The following FRMPD2 variants were observed in gnomAD, a reference collection of about 807,000 sequenced individuals.
FRMPD2 encodes FERM and PDZ domain containing 2.
Under a neutral mutation model 140.1 loss-of-function variants are expected in FRMPD2, and 96 were observed. The ratio of observed to expected loss-of-function variants is 0.69; its 90% confidence interval spans 0.58 to 0.81. The LOEUF is 0.81. Ranked by LOEUF, FRMPD2 falls within the 40% of genes least tolerant of loss-of-function variation. FRMPD2 has a pLI of 0.00. For synonymous variants in FRMPD2, 449 were observed against 547.6 expected (o/e 0.82, Z 2.52); for missense variants, 1,240 against 1,447.4 (o/e 0.86, Z 2.32).
At chr10:48,251,839 G>C (rs1285497167) in intron 1 of FRMPD2, 148 bp from the exon 2 acceptor site, 27 of 811,088 alleles carry the variant, frequency 3.3e-5, no homozygotes, top group Non-Finnish European at 5.0e-5. Flanking sequence ...CCTGGGGTCA[G>C]GCACAGAGCC....
intron 12 of FRMPD2, among the ~76,000 whole-genome samples, chr10:48,220,476 A>G (rs1460405893): frequency 5.3e-5 from 8 of 152,192 alleles, no homozygotes; most frequent in African/African-American, 1.7e-4. Flanking sequence ...ACCTGAAAAC[A>G]TAAAAATTTG....
intron 1 of FRMPD2, among the ~76,000 whole-genome samples, chr10:48,270,125 A>G (rs1007384798): frequency 5.9e-5 from 9 of 152,250 alleles, no homozygotes; most frequent in Non-Finnish European, 2.9e-5. Context: ...AAGAAAAGTC[A>G]TAAAAGAAAC....
chr10:48,214,457 T>G (rs1839399244), intron 12 of FRMPD2, among the ~76,000 whole-genome samples: 1 of 152,216 alleles, frequency 6.6e-6, no homozygotes, highest in South Asian at 2.1e-4. Context: ...GTAGGTTCAT[T>G]GATTGTAACA....
rs751824469 is a variant in FRMPD2, at chr10:48,206,767, G to T, written c.1778C>A (p.Thr593Asn). Residue 593 changes from threonine to asparagine, a missense_variant, in exon 14 of 29, where the codon ACC (threonine) becomes AAC (asparagine). By Grantham distance (65) the Thr-to-Asn change is moderately conservative. Around this residue, in one of 6 missense-constraint regions of FRMPD2, gnomAD observed 1,161 missense variants for 1,055.9 expected, o/e 1.10. Transcript: ENST00000374201. ...ACTCACATAAGTAGAAATCTTCCCG[G>T]TTTCTCTCCACTGAAACCGTAACAT... is the stretch of plus-strand genomic sequence containing the variant. Reference protein sequence around the residue: ...IAMLRFQWRETGKISTYQKKF... With the variant: ...IAMLRFQWRENGKISTYQKKF... The T allele has an allele frequency of 8.4e-5, 136 of 1,613,694 alleles. 1 individual carries two copies. Among genetic ancestry groups the T allele is most frequent in the Middle Eastern group, 4.9e-4 (3 of 6,084 alleles).
chr10:48,159,232 A>C (rs1387956082), intron 28 of FRMPD2: 4 of 455,778 alleles, frequency 8.8e-6, no homozygotes, highest in Non-Finnish European at 1.8e-5. Flanking sequence ...TTGGATTTAC[A>C]GTATCTCTAA....
chr10:48,200,665 A>G (rs1839064773), intron 15 of FRMPD2, among the ~76,000 whole-genome samples: 1 of 152,232 alleles, frequency 6.6e-6, no homozygotes, highest in Non-Finnish European at 1.5e-5. Flanking sequence ...AGAAAGTGTC[A>G]TTGGACGGTG....
rs1840378702 is a variant in FRMPD2, at chr10:48,251,422, A to G, written c.151+144T>C. The G allele has an allele frequency of 7.2e-6, 7 of 968,006 alleles. No individual in the cohort carries two copies. In the South Asian group the frequency reaches 9.5e-5, roughly 13 times the overall value. 60.0% of individuals were successfully genotyped at this position (968,006 alleles called of 1,614,324 possible). A position where few individuals can be genotyped will look rare whatever the true frequency, so the allele number is the denominator to read the frequency against. On this transcript the variant is annotated intron_variant, in intron 2 of 28. Coordinates refer to ENST00000374201, the MANE Select transcript of FRMPD2 (RefSeq NM_001018071.4). ...TCTTCTACTCATTCTAATACCTCAG[A>G]GTAATCACAGATCAAGCAGCAGCAA...
In FRMPD2 at chr10:48,222,414, G is replaced by A. The variant is rs141989722; in HGVS notation, c.1354C>T (p.Arg452Trp). Residue 452 changes from arginine (R) to tryptophan (W), a missense_variant, in exon 12 of 29, where the codon CGG (arginine) becomes TGG (tryptophan). By Grantham distance (101) the Arg-to-Trp change is moderately radical (BLOSUM62 -3). This residue lies in a region of FRMPD2 where 1,161 missense variants were observed against 1,055.9 expected (regional missense o/e 1.10). Coordinates refer to ENST00000374201, the MANE Select transcript of FRMPD2 (RefSeq NM_001018071.4). ...LTRHQFYLQLRKDILEERLYC... is the reference protein window; with the variant it reads ...LTRHQFYLQLWKDILEERLYC... ...AGCCTCTCCTCCAGGATATCTTTCC[G>A]AAGCTGCAGGTAAAACTGGTGCCTT... The A allele has an allele frequency of 5.8e-5, 94 of 1,613,966 alleles. No individual in the cohort carries two copies. Among genetic ancestry groups the A allele is most frequent in the African/African-American group, 2.3e-4 (17 of 74,912 alleles).
chr10:48,213,509 A>C (rs1319290889), intron 12 of FRMPD2, among the ~76,000 whole-genome samples: 1 of 152,260 alleles, frequency 6.6e-6, no homozygotes, highest in Non-Finnish European at 1.5e-5. Flanking sequence ...ACTTATGTCC[A>C]CACAAAAACC....
At chr10:48,214,936 G>A (rs1271049947) in intron 12 of FRMPD2, among the ~76,000 whole-genome samples, 1 of 152,206 alleles carries the variant, frequency 6.6e-6, no homozygotes, top group African/African-American at 2.4e-5. Flanking sequence ...AATGCAAATT[G>A]AATGTGGTGA....
chr10:48,223,053 A>T lies in FRMPD2; in HGVS notation c.1316+70T>A, dbSNP rs971915756. 5 of 1,435,408 alleles carry T rather than the reference A, an allele frequency of 3.5e-6. No homozygotes were observed. In the Admixed American group the frequency reaches 7.9e-5, roughly 23 times the overall value. 88.9% of individuals were successfully genotyped at this position (1,435,408 alleles called of 1,614,324 possible). On this transcript the variant is annotated intron_variant, in intron 11 of 28. Transcript: ENST00000374201. ...CAGTTTGCAAAGCACTTGTCGATCC[A>T]TTACCTCTCCGTCAGCCTGGACATA...
At chr10:48,228,065 A>G (rs2131916546) in intron 10 of FRMPD2, among the ~76,000 whole-genome samples, 1 of 152,342 alleles carries the variant, frequency 6.6e-6, no homozygotes. Context: ...CAAATGTGAC[A>G]ATGAAAAAAG....
chr10:48,190,664 C>A (rs1838808368), intron 16 of FRMPD2, among the ~76,000 whole-genome samples: 1 of 152,222 alleles, frequency 6.6e-6, no homozygotes, highest in African/African-American at 2.4e-5. Context: ...TCCCTTTTCA[C>A]CCACGGGTTA....
intron 1 of FRMPD2, among the ~76,000 whole-genome samples, chr10:48,253,108 G>C (rs1263708342): frequency 1.3e-5 from 2 of 152,050 alleles, no homozygotes; most frequent in Non-Finnish European, 2.9e-5. Flanking sequence ...GAATGGGTGG[G>C]GTTTTTTAAA....
intron 13 of FRMPD2, 59 bp downstream of exon 13, chr10:48,211,895 G>T (rs1839330629): frequency 6.4e-7 from 1 of 1,550,596 alleles, no homozygotes; most frequent in South Asian, 1.2e-5. Flanking sequence ...CTCTGGAGGG[G>T]ATTGCTGGCT....
At chr10:48,213,651 A>T (rs1172941103) in intron 12 of FRMPD2, among the ~76,000 whole-genome samples, 1 of 152,256 alleles carries the variant, frequency 6.6e-6, no homozygotes, top group Non-Finnish European at 1.5e-5. Flanking sequence ...GCTAAAAAAA[A>T]AATGAGCTGT....
intron 28 of FRMPD2, among the ~76,000 whole-genome samples, chr10:48,159,500 A>T (rs538854863): frequency 3.4e-4 from 51 of 151,846 alleles, no homozygotes; most frequent in Non-Finnish European, 6.0e-4. Flanking sequence ...CAGGCATGAC[A>T]TCTCCCTCAC....
intron 16 of FRMPD2, among the ~76,000 whole-genome samples, chr10:48,188,913 G>T (rs994800232): frequency 1.3e-5 from 2 of 152,172 alleles, no homozygotes; most frequent in Admixed American, 1.3e-4. Flanking sequence ...GGAGGAGCAC[G>T]GCAGCGGCCA....
chr10:48,240,242 T>C (rs544597628), intron 6 of FRMPD2, 118 bp downstream of exon 6: 1 of 1,126,738 alleles, frequency 8.9e-7, no homozygotes, highest in Non-Finnish European at 1.3e-6. Flanking sequence ...CCTGAAAGAG[T>C]GGCACTTACA....
Sources: gnomAD v4.1 joint callset for allele counts (sites outside exome capture counted in the v4.1 genomes callset) on GRCh38, gnomAD v4.1.1 for gene constraint, gnomAD v4.1.1 regional missense constraint, MANE v1.5 for transcripts, NCBI Gene and HGNC (gene_info 2026-07-23, HGNC 2026-07-21) for gene names.